Variants in PTPRN2 observed in about 807,000 individuals in gnomAD.
PTPRN2 encodes receptor-type tyrosine-protein phosphatase N2.
PTPRN2 carries 74 observed loss-of-function variants against 118.8 expected under a neutral mutation model. That is an observed-to-expected ratio of 0.62 (90% CI 0.52 to 0.76). The LOEUF (loss-of-function observed/expected upper bound fraction) is 0.76, where lower values mean the gene tolerates loss of function less well. Ranked by LOEUF, PTPRN2 falls within the 30% of genes least tolerant of loss-of-function variation. The pLI is 0.00. For synonymous variants in PTPRN2, 641 were observed against 608.0 expected, an observed-to-expected ratio of 1.05 and a Z score of -0.80; for missense variants, 1,481 against 1,394.4, an observed-to-expected ratio of 1.06 and a Z score of -0.99.
intron 12 of PTPRN2, among the ~76,000 whole-genome samples, chr7:157,844,016 A>T (rs1808616919): frequency 6.6e-6 from 1 of 152,238 alleles, no homozygotes; most frequent in South Asian, 2.1e-4. Context: ...GACCCCCTGC[A>T]CGGAGGAGGG....
intron 11 of PTPRN2, among the ~76,000 whole-genome samples, chr7:157,951,913 CT>C (rs1800837019): frequency 6.6e-6 from 1 of 152,266 alleles, no homozygotes; most frequent in South Asian, 2.1e-4. Flanking sequence ...CCTGTCTGGC[CT>C]GGGCGCCCAC....
intron 17 of PTPRN2, among the ~76,000 whole-genome samples, chr7:157,584,314 C>T (rs1187119719): frequency 6.6e-6 from 1 of 152,174 alleles, no homozygotes; most frequent in Admixed American, 6.5e-5. Flanking sequence ...ACCAGACTAT[C>T]ATCTCTTTAA....
At chr7:157,666,650 C>T (rs185332790) in intron 13 of PTPRN2, among the ~76,000 whole-genome samples, 27 of 152,214 alleles carry the variant, frequency 1.8e-4, no homozygotes, top group African/African-American at 6.3e-4. Flanking sequence ...GGGCTGTGTG[C>T]CACTGGACAG....
At chr7:158,069,003 C>T (rs1394184105) in intron 11 of PTPRN2, among the ~76,000 whole-genome samples, 3 of 152,172 alleles carry the variant, frequency 2.0e-5, no homozygotes, top group Non-Finnish European at 2.9e-5. Flanking sequence ...ACCCTGCTGC[C>T]GACACCATCT....
chr7:158,540,031 G>A (rs113715043), intron 1 of PTPRN2, among the ~76,000 whole-genome samples: 3 of 150,814 alleles, frequency 2.0e-5, no homozygotes, highest in African/African-American at 4.9e-5. Flanking sequence ...GGGGACATAC[G>A]GTGAGCCTGG....
chr7:158,171,018 TATATATACAC>T (rs1296130153), intron 5 of PTPRN2, among the ~76,000 whole-genome samples: 1 of 146,200 alleles, frequency 6.8e-6, no homozygotes, highest in Non-Finnish European at 1.5e-5. Flanking sequence ...TACACATACA[TATATATACAC>T]ATATATATAC....
chr7:157,734,753 C>A (rs1800200843), intron 12 of PTPRN2, among the ~76,000 whole-genome samples: 1 of 152,216 alleles, frequency 6.6e-6, no homozygotes, highest in Non-Finnish European at 1.5e-5. Context: ...GTTACAATAA[C>A]CTGGAACTGT....
At chr7:157,665,280 G>C (rs1585202736) in intron 13 of PTPRN2, among the ~76,000 whole-genome samples, 2 of 152,272 alleles carry the variant, frequency 1.3e-5, no homozygotes, top group Non-Finnish European at 1.5e-5. Flanking sequence ...TTCAGCCACA[G>C]CGGCCCAGTG....
chr7:158,523,381 T>C lies in PTPRN2; in HGVS notation c.113-33596A>G, dbSNP rs148582936. ...TGGAGTCTGCCCTGGAGTGGAGTCGTCTGCCCTGGAGCGGAGTCATCTGCC... is the reference window on the plus strand; with the variant it reads ...TGGAGTCTGCCCTGGAGTGGAGTCGCCTGCCCTGGAGCGGAGTCATCTGCC... On this transcript the variant is annotated intron_variant, in intron 1 of 22. Transcript: ENST00000389418. 8.3e-3 allele frequency among the ~76,000 whole-genome samples: 1,102 copies of C among 133,378 alleles called. 13 individuals are homozygous for C. The highest frequency in any genetic ancestry group is 0.031 in the African/African-American group (1,058 of 34,500). 87.5% of individuals were successfully genotyped at this position (133,378 alleles called of 152,430 possible).
At chr7:157,658,618 G>A (rs370909517) in intron 13 of PTPRN2, among the ~76,000 whole-genome samples, 6 of 152,180 alleles carry the variant, frequency 3.9e-5, no homozygotes, top group African/African-American at 9.7e-5. Flanking sequence ...CGCTGCTGCC[G>A]CTCACCTTCA....
chr7:157,991,013 G>T (rs1248614301), intron 11 of PTPRN2, among the ~76,000 whole-genome samples: 1 of 152,210 alleles, frequency 6.6e-6, no homozygotes, highest in Non-Finnish European at 1.5e-5. Flanking sequence ...GGTGTGCGGG[G>T]TGTGGACATG....
chr7:158,171,308 C>CATACATATATATATAT (rs1554571676), intron 5 of PTPRN2, among the ~76,000 whole-genome samples: 2 of 48,676 alleles, frequency 4.1e-5, no homozygotes, highest in African/African-American at 9.4e-5. Flanking sequence ...TATATACACA[C>CATACATATATATATAT]ATATATATAT....
At chr7:157,800,951 C>CA (rs979654589) in intron 12 of PTPRN2, among the ~76,000 whole-genome samples, 20 of 148,524 alleles carry the variant, frequency 1.3e-4, no homozygotes, top group African/African-American at 3.5e-4. Context: ...GACTCCGTTT[C>CA]AAAAAAAATA....
At position 158,443,335 on chromosome 7, in the gene PTPRN2, G is replaced by A. The variant is rs976487654; in HGVS notation, c.163+46400C>T. 4.6e-5 allele frequency among the ~76,000 whole-genome samples: 7 copies of A among 152,244 alleles called. No homozygotes were observed. In the East Asian group the frequency reaches 1.2e-3, roughly 25 times the overall value. On this transcript the variant is annotated intron_variant, in intron 2 of 22. Transcript: ENST00000389418. The stretch of plus-strand genomic sequence containing the variant: ...GAAGTTGCCACCTCTTGCCTGAGTT[G>A]CCGGAAATCCAAGGGTAGGTTTATA...
chr7:158,010,206 C>A (rs190661260), intron 11 of PTPRN2, among the ~76,000 whole-genome samples: 1 of 152,276 alleles, frequency 6.6e-6, no homozygotes, highest in African/African-American at 2.4e-5. Flanking sequence ...TCATTTTCCT[C>A]CACTACCACG....
chr7:158,263,369 T>C (rs1307476302), intron 3 of PTPRN2, among the ~76,000 whole-genome samples: 2 of 146,140 alleles, frequency 1.4e-5, no homozygotes, highest in African/African-American at 2.8e-5. Flanking sequence ...AGCACACACA[T>C]GCACACTGTA....
intron 3 of PTPRN2, among the ~76,000 whole-genome samples, chr7:158,280,629 G>C (rs1455273228): frequency 6.6e-6 from 1 of 152,234 alleles, no homozygotes; most frequent in Non-Finnish European, 1.5e-5. Context: ...AGAGAGCCTG[G>C]GGGAGCCGGA....
At chr7:158,301,945 G>A (rs944171816) in intron 3 of PTPRN2, among the ~76,000 whole-genome samples, 1 of 152,086 alleles carries the variant, frequency 6.6e-6, no homozygotes, top group African/African-American at 2.4e-5. Flanking sequence ...GTAAGAGCCT[G>A]TCTCAAAAAA....
intron 12 of PTPRN2, among the ~76,000 whole-genome samples, chr7:157,741,977 C>T (rs997694254): frequency 1.3e-5 from 2 of 152,178 alleles, no homozygotes; most frequent in Non-Finnish European, 2.9e-5. Context: ...TGTGTGCAGT[C>T]GGGTGTGGCA....
Sources: gnomAD v4.1 joint callset for allele counts (sites outside exome capture counted in the v4.1 genomes callset) on GRCh38, gnomAD v4.1.1 for gene constraint, MANE v1.5 for transcripts, NCBI Gene and HGNC (gene_info 2026-07-23, HGNC 2026-07-21) for gene names.